Variants in FGFR2 observed in about 807,000 individuals in gnomAD.
FGFR2 encodes the protein fibroblast growth factor receptor 2.
A neutral mutation model predicts 95.9 loss-of-function variants in FGFR2; 19 were observed. That is an observed-to-expected ratio of 0.20 (90% CI 0.14 to 0.29). FGFR2 has a LOEUF of 0.29. FGFR2 is among the 10% of genes least tolerant of loss of function. The pLI is 1.00. For synonymous variants in FGFR2, 392 were observed against 393.3 expected (o/e 1.00, Z 0.04); for missense variants, 707 against 1,056.9 (o/e 0.67, Z 4.59).
At chr10:121,532,476 G>A (rs1316206352) in intron 6 of FGFR2, among the ~76,000 whole-genome samples, 1 of 152,192 alleles carries the variant, frequency 6.6e-6, no homozygotes. Flanking sequence ...GACAGCTTCA[G>A]TAATGAATTA....
chr10:121,490,243 A>C (rs1845965310), intron 13 of FGFR2, among the ~76,000 whole-genome samples: 1 of 145,824 alleles, frequency 6.9e-6, no homozygotes, highest in Non-Finnish European at 1.5e-5. Flanking sequence ...GGCTCAATGC[A>C]ACCTCTGCCT....
chr10:121,574,776 G>A (rs1405501548), intron 2 of FGFR2, among the ~76,000 whole-genome samples: 1 of 152,168 alleles, frequency 6.6e-6, no homozygotes, highest in Non-Finnish European at 1.5e-5. Context: ...CTTTAAGGGG[G>A]CGAGGAAGGG....
At chr10:121,597,724 A>C (rs899459229) in intron 1 of FGFR2, among the ~76,000 whole-genome samples, 1 of 152,250 alleles carries the variant, frequency 6.6e-6, no homozygotes, top group African/African-American at 2.4e-5. Flanking sequence ...CGCCAGAAGC[A>C]GATGTCAGCA....
chr10:121,501,382 T>A (rs111255906), intron 10 of FGFR2, among the ~76,000 whole-genome samples: 1 of 152,234 alleles, frequency 6.6e-6, no homozygotes, highest in Non-Finnish European at 1.5e-5. Context: ...GATTTTATGG[T>A]CACATTCCTT....
intron 13 of FGFR2, among the ~76,000 whole-genome samples, chr10:121,493,652 C>CAAGCTTCTCCAAGCTTCTA (rs1180034373): frequency 2.6e-5 from 4 of 152,196 alleles, no homozygotes; most frequent in African/African-American, 4.8e-5. Flanking sequence ...TTCTATTCTC[C>CAAGCTTCTCCAAGCTTCTA]TCTTCCAAGC....
chr10:121,499,928 G>C, intron 11 of FGFR2, among the ~76,000 whole-genome samples: 1 of 152,186 alleles, frequency 6.6e-6, no homozygotes, highest in East Asian at 1.9e-4. Flanking sequence ...TTCCCCTTGG[G>C]AGGGATGTGA....
intron 5 of FGFR2, among the ~76,000 whole-genome samples, chr10:121,547,193 C>T (rs1488478791): frequency 1.3e-5 from 2 of 152,114 alleles, no homozygotes; most frequent in Non-Finnish European, 2.9e-5. Flanking sequence ...CATTGCACTC[C>T]AGCCTGGGCA....
chr10:121,479,630 G>A lies in FGFR2; in HGVS notation c.*227C>T, dbSNP rs1320152605. On this transcript the variant is annotated 3_prime_UTR_variant, in exon 18 of 18. Coordinates refer to ENST00000358487, the MANE Select transcript of FGFR2 (RefSeq NM_000141.5). Reference sequence around the variant, plus strand: ...CGGCAGGTGAGAGGGGTTACATGGTGGCTTGTGGCAGTCCACTGCTCCAGA... The same window carrying A: ...CGGCAGGTGAGAGGGGTTACATGGTAGCTTGTGGCAGTCCACTGCTCCAGA... 9 of 1,551,652 alleles carry A rather than the reference G, an allele frequency of 5.8e-6. No individual in the cohort carries two copies. In the Admixed American group the frequency reaches 1.8e-4, roughly 30 times the overall value.
intron 4 of FGFR2, among the ~76,000 whole-genome samples, chr10:121,558,876 C>T (rs935280570): frequency 6.6e-6 from 1 of 151,942 alleles, no homozygotes; most frequent in African/African-American, 2.4e-5. Flanking sequence ...CATGAGCCAC[C>T]GCGCCCGATC....
At chr10:121,544,333 A>G (rs1169282585) in intron 5 of FGFR2, among the ~76,000 whole-genome samples, 1 of 151,792 alleles carries the variant, frequency 6.6e-6, no homozygotes, top group Non-Finnish European at 1.5e-5. Flanking sequence ...GTAATCCCAT[A>G]CTCAGGAGGC....
In FGFR2 at chr10:121,515,299, T is replaced by C; in HGVS notation, c.1105A>G (p.Ile369Val). ...TCCAGGTAGTCTGGGGAAGCTGTAA[T>C]CTCCTTTTCTCTTCCAGGCGCTAGA... Reference protein sequence around the residue: ...VLPAPGREKEITASPDYLEIA... With the variant: ...VLPAPGREKEVTASPDYLEIA... The change falls in exon 9 of 18, where the codon ATT (isoleucine) becomes GTT (valine). Residue 369 changes from isoleucine (I) to valine (V), a missense_variant. Physicochemically the swap from Ile to Val is conservative, Grantham distance 29. Transcript: ENST00000358487. The C allele has an allele frequency of 2.5e-6, 4 of 1,614,008 alleles. No individual in the cohort carries two copies. Among genetic ancestry groups the C allele is most frequent in the South Asian group, 2.2e-5 (2 of 91,070 alleles).
chr10:121,538,318 T>A, intron 6 of FGFR2: 1 of 779,034 alleles, frequency 1.3e-6, no homozygotes, highest in South Asian at 1.4e-5. Flanking sequence ...AATCTCAGCT[T>A]CCAAAATGTC....
intron 2 of FGFR2, among the ~76,000 whole-genome samples, chr10:121,586,546 G>A (rs990350605): frequency 2.0e-5 from 3 of 152,188 alleles, no homozygotes; most frequent in African/African-American, 7.2e-5. Flanking sequence ...CCACAATGGC[G>A]CAGAATTACT....
At position 121,517,440 on chromosome 10, in the gene FGFR2, G is replaced by T. The variant is rs1318903454; in HGVS notation, c.963C>A (p.Asp321Glu). Reference protein sequence around the residue: ...VLKAAGVNTTDKEIEVLYIRN... With the variant: ...VLKAAGVNTTEKEIEVLYIRN... ...GAATATAGAGAACCTCAATCTCTTT[G>T]TCCGTGGTGTTAACACCGGCGGCCT... The change falls in exon 8 of 18, where the codon GAC becomes GAA. Residue 321 changes from aspartate to glutamate, a missense_variant. By Grantham distance (45) the Asp-to-Glu change is conservative. Coordinates refer to ENST00000358487, the MANE Select transcript of FGFR2 (RefSeq NM_000141.5). The surrounding 1 kb of genome is among the most constrained non-coding windows in gnomAD (Gnocchi z 4.7). 3 of 1,614,028 alleles carry T rather than the reference G, an allele frequency of 1.9e-6. No homozygotes were observed. The highest frequency in any genetic ancestry group is 2.5e-6 in the Non-Finnish European group (3 of 1,180,036).
At position 121,485,627 on chromosome 10, in the gene FGFR2, G is replaced by C. The variant is rs2133804406; in HGVS notation, c.2058-95C>G. ...GAGACATAAACACCTCCTCACTTCT[G>C]AAGTTCAAAGACAAATGGGCCCTCC... is the stretch of plus-strand genomic sequence containing the variant. On this transcript the variant is annotated intron_variant, in intron 15 of 17. Coordinates refer to ENST00000358487, the MANE Select transcript of FGFR2 (RefSeq NM_000141.5). The surrounding 1 kb of genome is among the most constrained non-coding windows in gnomAD (Gnocchi z 4.2). 1 of 1,548,776 alleles carries C rather than the reference G, an allele frequency of 6.5e-7. No individual in the cohort carries two copies.
At chr10:121,559,403 G>A (rs997992684) in intron 4 of FGFR2, among the ~76,000 whole-genome samples, 1 of 152,262 alleles carries the variant, frequency 6.6e-6, no homozygotes, top group Non-Finnish European at 1.5e-5. Flanking sequence ...CCCCTTTCCT[G>A]CCTTGCCAAT....
At chr10:121,514,026 G>A (rs1465551368) in intron 9 of FGFR2, among the ~76,000 whole-genome samples, 1 of 152,050 alleles carries the variant, frequency 6.6e-6, no homozygotes, top group Non-Finnish European at 1.5e-5. Context: ...GTTTCTCAAA[G>A]TGCATTCTAA....
At chr10:121,592,059 G>T (rs1862736272) in intron 2 of FGFR2, among the ~76,000 whole-genome samples, 1 of 152,092 alleles carries the variant, frequency 6.6e-6, no homozygotes, top group Non-Finnish European at 1.5e-5. Context: ...ACGCTGCCCT[G>T]AAAAGCCAAA....
intron 2 of FGFR2, among the ~76,000 whole-genome samples, chr10:121,567,679 G>A (rs3135726): frequency 1.1e-4 from 17 of 152,074 alleles, no homozygotes; most frequent in African/African-American, 4.1e-4. Flanking sequence ...AGGAGGGCTG[G>A]TCCCTTGGCA....
Sources: gnomAD v4.1 joint callset for allele counts (sites outside exome capture counted in the v4.1 genomes callset) on GRCh38, gnomAD v4.1.1 for gene constraint, Gnocchi (gnomAD v3.1) non-coding constraint, MANE v1.5 for transcripts, NCBI Gene and HGNC (gene_info 2026-07-23, HGNC 2026-07-21) for gene names.